Variants in SSH2 observed in about 807,000 individuals in gnomAD.
The protein encoded by SSH2 is protein phosphatase Slingshot homolog 2.
Under a neutral mutation model 135.2 loss-of-function variants are expected in SSH2, and 37 were observed. That is an observed-to-expected ratio of 0.27 (90% CI 0.21 to 0.36). The LOEUF is 0.36. Ranked by LOEUF, SSH2 falls within the 10% of genes least tolerant of loss-of-function variation. SSH2 has a pLI of 1.00. For missense variants in SSH2, 1,408 were observed against 1,765.3 expected (o/e 0.80, Z 3.63); for synonymous variants, 628 against 646.2 (o/e 0.97, Z 0.43).
intron 3 of SSH2, among the ~76,000 whole-genome samples, chr17:29,788,349 C>T (rs1292054184): frequency 2.0e-5 from 3 of 152,150 alleles, no homozygotes; most frequent in Non-Finnish European, 2.9e-5. Flanking sequence ...GAAGTTCCTC[C>T]TTCTGCCTTT....
chr17:29,928,461 T>A (rs1205836180), intron 1 of SSH2: 4 of 398,384 alleles, frequency 1.0e-5, no homozygotes, highest in Non-Finnish European at 1.3e-5. Flanking sequence ...CTCCAGCCTT[T>A]GCTTGAATAT....
intron 4 of SSH2, among the ~76,000 whole-genome samples, chr17:29,700,196 A>AT (rs1192116455): frequency 6.6e-6 from 1 of 152,066 alleles, no homozygotes; most frequent in Non-Finnish European, 1.5e-5. Context: ...AGTAATTACA[A>AT]TTTTTTTCAC....
intron 1 of SSH2, among the ~76,000 whole-genome samples, chr17:29,914,875 ACTT>A (rs1422824423): frequency 2.0e-5 from 3 of 152,208 alleles, no homozygotes; most frequent in African/African-American, 7.2e-5. Flanking sequence ...ACTGTATACA[ACTT>A]CTCATAAAAT....
intron 2 of SSH2, among the ~76,000 whole-genome samples, chr17:29,839,656 C>T (rs1248299164): frequency 2.0e-5 from 3 of 152,110 alleles, no homozygotes; most frequent in Non-Finnish European, 2.9e-5. Context: ...CATTTAAGAC[C>T]TACTGAACAA....
Position 29,855,797 on chromosome 17 carries a change from A to G in SSH2, c.64-6868T>C, listed in dbSNP as rs187912500. On this transcript the variant is annotated intron_variant, in intron 1 of 15. Coordinates refer to ENST00000540801, the MANE Select transcript of SSH2 (RefSeq NM_001282129.2). ...TTGGCAATCAGACTATTGACATTCCAGAAAATGCAGACATCACTCTGAAAG... is the reference window on the plus strand; with the variant it reads ...TTGGCAATCAGACTATTGACATTCCGGAAAATGCAGACATCACTCTGAAAG... 338 of 163,270 alleles carry G rather than the reference A, an allele frequency of 2.1e-3. 2 individuals are homozygous for G. The highest frequency in any genetic ancestry group is 7.7e-3 in the African/African-American group (320 of 41,664). 10.1% of individuals were successfully genotyped at this position (163,270 alleles called of 1,614,324 possible).
At chr17:29,674,165 C>T (rs561063955) in intron 8 of SSH2, 1 of 456,574 alleles carries the variant, frequency 2.2e-6, no homozygotes, top group Non-Finnish European at 4.4e-6. Context: ...CAACCCTATA[C>T]AATGTAAATT....
intron 3 of SSH2, among the ~76,000 whole-genome samples, chr17:29,762,177 G>A (rs2041338829): frequency 7.0e-6 from 1 of 142,278 alleles, no homozygotes; most frequent in Non-Finnish European, 1.6e-5. Context: ...CAGGGCTCCC[G>A]GCAAGATTTT....
chr17:29,680,717 A>G lies in SSH2; in HGVS notation c.480-2976T>C, dbSNP rs534330475. Among the ~76,000 whole-genome samples the G allele has an allele frequency of 4.6e-5, 7 of 152,146 alleles. No homozygotes were observed. In the South Asian group the frequency reaches 1.5e-3, roughly 32 times the overall value. ...GACAGCTCTACCACAAGTTTTGTTG[A>G]GTAGATGAGATGAGCGCACAAAAAA... is the stretch of plus-strand genomic sequence containing the variant. On this transcript the variant is annotated intron_variant, in intron 6 of 15. Coordinates refer to ENST00000540801, the MANE Select transcript of SSH2 (RefSeq NM_001282129.2).
intron 3 of SSH2, among the ~76,000 whole-genome samples, chr17:29,784,065 C>CAAAAAAAAAAA (rs71138857): frequency 3.6e-4 from 3 of 8,234 alleles, no homozygotes; most frequent in African/African-American, 1.2e-3. Context: ...GACTCCGTCT[C>CAAAAAAAAAAA]AAAAAAAAAA....
intron 1 of SSH2, among the ~76,000 whole-genome samples, chr17:29,855,309 C>G (rs924134426): frequency 6.6e-5 from 10 of 152,026 alleles, no homozygotes; most frequent in Non-Finnish European, 1.2e-4. Context: ...TCAGACCAGC[C>G]TGGGCAACAT....
intron 1 of SSH2, among the ~76,000 whole-genome samples, chr17:29,916,454 A>AG (rs1036414274): frequency 1.4e-5 from 2 of 147,362 alleles, no homozygotes; most frequent in Middle Eastern, 3.5e-3. Context: ...GTTGTTAAAG[A>AG]TTTTTTTTTT....
intron 1 of SSH2, among the ~76,000 whole-genome samples, chr17:29,858,364 G>A (rs1322217542): frequency 6.6e-6 from 1 of 152,146 alleles, no homozygotes; most frequent in African/African-American, 2.4e-5. Context: ...TGTTCCTTCT[G>A]CAGGATCTAG....
intron 8 of SSH2, among the ~76,000 whole-genome samples, chr17:29,673,743 G>C (rs2037592481): frequency 6.6e-6 from 1 of 151,976 alleles, no homozygotes; most frequent in Admixed American, 6.6e-5. Flanking sequence ...GCTATGCATA[G>C]ATGTATAATA....
chr17:29,695,447 C>A lies in SSH2; in HGVS notation c.357+12G>T, dbSNP rs984553903. On this transcript the variant is annotated intron_variant, in intron 5 of 15. Transcript: ENST00000540801. ...TTTGAGGAAGAAAATTATGATGACA[C>A]CACTAACTTACCAGCCTGATGTTGT... The A allele has an allele frequency of 1.2e-6, 2 of 1,607,294 alleles. No homozygotes were observed. The highest frequency in any genetic ancestry group is 2.2e-5 in the East Asian group (1 of 44,626).
At chr17:29,737,459 G>A (rs2040410434) in intron 3 of SSH2, among the ~76,000 whole-genome samples, 1 of 152,048 alleles carries the variant, frequency 6.6e-6, no homozygotes, top group Non-Finnish European at 1.5e-5. Context: ...GTCCACTAAT[G>A]CATTCCTAGT....
At chr17:29,635,598 C>T (rs192328554) in intron 15 of SSH2, among the ~76,000 whole-genome samples, 96 of 151,982 alleles carry the variant, frequency 6.3e-4, no homozygotes, top group African/African-American at 2.1e-3. Context: ...TTAGTAGAGA[C>T]GGGGTTTCAC....
chr17:29,712,009 C>T (rs2039447757), intron 3 of SSH2, among the ~76,000 whole-genome samples: 1 of 152,160 alleles, frequency 6.6e-6, no homozygotes, highest in African/African-American at 2.4e-5. Context: ...GGTCGGGGCA[C>T]AGCTTGGTTT....
intron 2 of SSH2, among the ~76,000 whole-genome samples, chr17:29,844,300 A>G (rs982665379): frequency 2.0e-5 from 3 of 152,210 alleles, no homozygotes; most frequent in African/African-American, 7.2e-5. Context: ...AATGAGATAA[A>G]TAAGTTTTAT....
rs1353781614 is a variant in SSH2, at chr17:29,893,955, G to A, written c.63+35983C>T. ...TTATTTGCAGGATTTTCCTTCATTAGTCTCCCAAATGTCCCATTCCCCAAA... is the reference window on the plus strand; with the variant it reads ...TTATTTGCAGGATTTTCCTTCATTAATCTCCCAAATGTCCCATTCCCCAAA... On this transcript the variant is annotated intron_variant, in intron 1 of 15. Coordinates refer to ENST00000540801, the MANE Select transcript of SSH2 (RefSeq NM_001282129.2). Among the ~76,000 whole-genome samples the A allele has an allele frequency of 2.0e-5, 3 of 151,930 alleles. No individual in the cohort carries two copies. In the East Asian group the frequency reaches 5.8e-4, roughly 29 times the overall value.
Sources: gnomAD v4.1 joint callset for allele counts (sites outside exome capture counted in the v4.1 genomes callset) on GRCh38, gnomAD v4.1.1 for gene constraint, MANE v1.5 for transcripts, NCBI Gene and HGNC (gene_info 2026-07-23, HGNC 2026-07-21) for gene names.